Variants in NUP210L observed in about 807,000 individuals in gnomAD.
The protein encoded by NUP210L is nucleoporin 210 like.
NUP210L carries 74 observed loss-of-function variants against 208.5 expected under a neutral mutation model. The observed-to-expected ratio is 0.35, with a 90% CI of 0.29 to 0.43. The LOEUF (loss-of-function observed/expected upper bound fraction) is 0.43. Ranked by LOEUF, NUP210L falls within the 20% of genes least tolerant of loss-of-function variation. NUP210L has a pLI of 1.00. For synonymous variants in NUP210L, 780 were observed against 816.9 expected, an observed-to-expected ratio of 0.95 and a Z score of 0.77; for missense variants, 1,843 against 2,289.4, an observed-to-expected ratio of 0.81 and a Z score of 3.98.
At chr1:154,025,862 G>A (rs1054005228) in intron 29 of NUP210L, 146 bp from the exon 30 acceptor site, 1 of 606,258 alleles carries the variant, frequency 1.6e-6, no homozygotes, top group Non-Finnish European at 2.9e-6. Context: ...TTGTTCCTCA[G>A]GTAAAAGTCT....
In NUP210L at chr1:153,993,002, G is replaced by C; in HGVS notation, c.5566+13C>G. The C allele has an allele frequency of 6.2e-7, 1 of 1,612,670 alleles. No individual in the cohort carries two copies. Among genetic ancestry groups the C allele is most frequent in the South Asian group, 1.1e-5 (1 of 90,886 alleles). On this transcript the variant is annotated intron_variant, in intron 39 of 39. Coordinates refer to ENST00000368559, the Ensembl canonical transcript of NUP210L. ...TCTGAGCTTTTCAAAGATGAGGACA[G>C]AGGCTTTTTTACCTGGCTGTGGTGT...
intron 10 of NUP210L, among the ~76,000 whole-genome samples, chr1:154,124,884 C>T (rs1169138402): frequency 6.6e-6 from 1 of 152,076 alleles, no homozygotes; most frequent in Admixed American, 6.6e-5. Flanking sequence ...CCCAGGAGGT[C>T]GAGGCTGCAG....
At chr1:154,119,003 AAAT>A (rs1657476911) in intron 10 of NUP210L, among the ~76,000 whole-genome samples, 195 bp from the exon 11 acceptor site, 1 of 152,136 alleles carries the variant, frequency 6.6e-6, no homozygotes, top group South Asian at 2.1e-4. Context: ...AATGAAAATG[AAAT>A]AATAATGAAA....
chr1:154,143,642 T>C (rs1658969438), intron 2 of NUP210L, 65 bp from the exon 3 acceptor site: 1 of 1,352,086 alleles, frequency 7.4e-7, no homozygotes, highest in African/African-American at 1.4e-5. Flanking sequence ...ATGTCTCAAA[T>C]ACTCAAAACT....
chr1:154,002,619 G>A (rs1392489069), intron 35 of NUP210L, among the ~76,000 whole-genome samples: 1 of 151,148 alleles, frequency 6.6e-6, no homozygotes. Context: ...GCAAGACTCC[G>A]TCTCAAAAAA....
chr1:154,148,251 A>G (rs2148157179), intron 2 of NUP210L, among the ~76,000 whole-genome samples: 1 of 151,466 alleles, frequency 6.6e-6, no homozygotes, highest in African/African-American at 2.4e-5. Context: ...TGGGCGACAG[A>G]GCAAGACTCG....
chr1:154,117,636 T>C (rs184087644), intron 12 of NUP210L, 89 bp downstream of exon 12: 4 of 980,212 alleles, frequency 4.1e-6, no homozygotes, highest in Middle Eastern at 2.6e-4. Context: ...TAAATAGCCA[T>C]GTTGGGCTCT....
chr1:154,043,628 CTTT>C (rs898755429), intron 27 of NUP210L, among the ~76,000 whole-genome samples: 5 of 132,000 alleles, frequency 3.8e-5, no homozygotes, highest in Non-Finnish European at 3.2e-5. Context: ...TGCACCCGGC[CTTT>C]TTTTTTTTTT....
intron 2 of NUP210L, among the ~76,000 whole-genome samples, chr1:154,144,751 A>G (rs1213432797): frequency 3.9e-5 from 6 of 152,226 alleles, no homozygotes. Context: ...CCAAATTACC[A>G]GTAAACATCA....
chr1:154,099,974 G>T, intron 14 of NUP210L, 24 bp downstream of exon 14: 1 of 1,612,232 alleles, frequency 6.2e-7, no homozygotes, highest in Non-Finnish European at 8.5e-7. Context: ...AGAAATGCCA[G>T]TTCCTTACCA....
exon 22 of NUP210L, chr1:154,058,143 T>C (rs1272230703): frequency 1.2e-6 from 2 of 1,614,120 alleles, no homozygotes. Flanking sequence ...GTTTCTGAAG[T>C]ATTTATTTTG....
intron 16 of NUP210L, among the ~76,000 whole-genome samples, chr1:154,084,622 G>C (rs1655529754): frequency 6.6e-6 from 1 of 151,622 alleles, no homozygotes; most frequent in East Asian, 1.9e-4. Flanking sequence ...TTTGAGACCA[G>C]GTTACAAGAC....
At chr1:154,030,678 T>TCA (rs1652166310) in intron 27 of NUP210L, among the ~76,000 whole-genome samples, 1 of 152,124 alleles carries the variant, frequency 6.6e-6, no homozygotes, top group Non-Finnish European at 1.5e-5. Flanking sequence ...CCTGTAATAA[T>TCA]CACATCAGGG....
At chr1:154,046,311 G>C (rs772526095) in exon 26 of NUP210L, 1 of 1,614,148 alleles carries the variant, frequency 6.2e-7, no homozygotes, top group South Asian at 1.1e-5. Context: ...GATGAGCCGA[G>C]TTGCAGCTGC....
chr1:154,037,101 T>C (rs1356344277), intron 27 of NUP210L, among the ~76,000 whole-genome samples: 2 of 152,180 alleles, frequency 1.3e-5, no homozygotes, highest in Non-Finnish European at 2.9e-5. Flanking sequence ...TTTTGTGGCC[T>C]GTCATATTGT....
At chr1:154,152,672 T>C in intron 2 of NUP210L, 64 bp downstream of exon 2, 1 of 1,430,446 alleles carries the variant, frequency 7.0e-7, no homozygotes, top group South Asian at 1.2e-5. Flanking sequence ...TAACTATCTA[T>C]ACAAAATACC....
chr1:154,061,106 G>T, intron 18 of NUP210L, 60 bp from the exon 19 acceptor site: 1 of 1,218,626 alleles, frequency 8.2e-7, no homozygotes, highest in African/African-American at 1.5e-5. Flanking sequence ...GGCCGCCCAC[G>T]GTGGCTTACG....
intron 33 of NUP210L, among the ~76,000 whole-genome samples, chr1:154,016,260 G>GA (rs990396804): frequency 1.7e-4 from 24 of 139,226 alleles, no homozygotes; most frequent in Middle Eastern, 3.6e-3. Context: ...TCTCTTAAAA[G>GA]AAAAAAAAAA....
At chr1:154,126,978 C>T (rs1378665032) in intron 9 of NUP210L, among the ~76,000 whole-genome samples, 1 of 151,822 alleles carries the variant, frequency 6.6e-6, no homozygotes, top group African/African-American at 2.4e-5. Flanking sequence ...ACTAGCTGGG[C>T]ATGGTTGCTT....
Sources: allele counts gnomAD v4.1 joint callset (sites outside exome capture counted in the v4.1 genomes callset), GRCh38; gene constraint gnomAD v4.1.1; transcripts MANE v1.5; gene names NCBI Gene and HGNC (gene_info 2026-07-23, HGNC 2026-07-21).